CPA3: variants seen among roughly 807,000 people sequenced by gnomAD.
The protein encoded by CPA3 is mast cell carboxypeptidase A.
CPA3 carries 52 observed loss-of-function variants against 55.8 expected under a neutral mutation model. That is an observed-to-expected ratio of 0.93 (90% CI 0.75 to 1.17). The LOEUF (loss-of-function observed/expected upper bound fraction) is 1.17. CPA3 is among the 50% of genes most tolerant of loss of function. CPA3 has a pLI of 0.00. For missense variants in CPA3, 547 were observed against 509.1 expected, an observed-to-expected ratio of 1.07 and a Z score of -0.72; for synonymous variants, 179 against 171.2, an observed-to-expected ratio of 1.05 and a Z score of -0.36.
intron 10 of CPA3, among the ~76,000 whole-genome samples, chr3:148,892,640 G>A (rs940873816): frequency 6.6e-6 from 1 of 151,874 alleles, no homozygotes; most frequent in Non-Finnish European, 1.5e-5. Flanking sequence ...GCAACAAAGT[G>A]AGACTCTATC....
chr3:148,878,782 AC>A (rs1407872209), intron 5 of CPA3, 34 bp downstream of exon 5: 2 of 1,256,334 alleles, frequency 1.6e-6, no homozygotes, highest in Non-Finnish European at 2.3e-6. Flanking sequence ...AATTCTTATT[AC>A]TGTTGAAAAA....
In CPA3 at chr3:148,865,394, G is replaced by A; in HGVS notation, c.68+19G>A. The A allele has an allele frequency of 6.2e-7, 1 of 1,613,742 alleles. No individual in the cohort carries two copies. The highest frequency in any genetic ancestry group is 8.5e-7 in the Non-Finnish European group (1 of 1,179,814). On this transcript the variant is annotated intron_variant, in intron 1 of 10. Transcript: ENST00000296046. ...TTGACAGGTAAATCTTACTTCCTGT[G>A]TTCCAGTCTCTGTGTAGAAGAGAAT...
chr3:148,883,527 T>C lies in CPA3; in HGVS notation c.779-86T>C. 1.9e-5 allele frequency: 21 copies of C among 1,102,628 alleles called. No homozygotes were observed. In the South Asian group the frequency reaches 2.9e-4, roughly 15 times the overall value. The allele number at this position is 1,102,628 out of a possible 1,614,324, so 68.3% of individuals were successfully genotyped here. ...TGAGAGGCAAAAACATTTAAAACAT[T>C]CTGTGAATCTATAATACATTAGAAG... is the stretch of plus-strand genomic sequence containing the variant. On this transcript the variant is annotated intron_variant, in intron 8 of 10. Coordinates refer to ENST00000296046, the MANE Select transcript of CPA3 (RefSeq NM_001870.4).
At chr3:148,889,713 T>C (rs536523965) in intron 10 of CPA3, among the ~76,000 whole-genome samples, 1 of 151,712 alleles carries the variant, frequency 6.6e-6, no homozygotes, top group Admixed American at 6.6e-5. Context: ...CTACTAAAAA[T>C]ACAAAAATTA....
intron 3 of CPA3, among the ~76,000 whole-genome samples, chr3:148,872,367 T>G (rs942059757): frequency 6.6e-6 from 1 of 152,200 alleles, no homozygotes; most frequent in African/African-American, 2.4e-5. Context: ...ATTTTTAACA[T>G]TGTCTTTTCT....
chr3:148,888,037 A>G (rs1286722763), intron 10 of CPA3, among the ~76,000 whole-genome samples: 1 of 152,168 alleles, frequency 6.6e-6, no homozygotes, highest in African/African-American at 2.4e-5. Context: ...CAACCCTTCC[A>G]CCACCAAAGA....
chr3:148,874,844 A>G (rs1394202298), intron 3 of CPA3, among the ~76,000 whole-genome samples: 1 of 152,216 alleles, frequency 6.6e-6, no homozygotes, highest in Admixed American at 6.5e-5. Context: ...ACATCTACAT[A>G]CCATCAAAGC....
At chr3:148,891,849 C>T (rs1184101988) in intron 10 of CPA3, among the ~76,000 whole-genome samples, 2 of 152,168 alleles carry the variant, frequency 1.3e-5, no homozygotes, top group African/African-American at 4.8e-5. Context: ...AAATGTCTAA[C>T]ATATCCTAAA....
chr3:148,886,090 C>G lies in CPA3; in HGVS notation c.982-3C>G, dbSNP rs766797679. ...TTTCACTCTAACTTTCCTTTCTCTCCAGGCCAAAGTTGCAAAGATTGGCAC... is the reference window on the plus strand; with the variant it reads ...TTTCACTCTAACTTTCCTTTCTCTCGAGGCCAAAGTTGCAAAGATTGGCAC... On this transcript the variant is annotated splice_region_variant and splice_polypyrimidine_tract_variant and intron_variant, in intron 9 of 10. Transcript: ENST00000296046. 1.2e-6 allele frequency: 2 copies of G among 1,609,916 alleles called. No homozygotes were observed. The highest frequency in any genetic ancestry group is 1.7e-6 in the Non-Finnish European group (2 of 1,176,600).
At chr3:148,869,134 G>A (rs1713990688) in intron 3 of CPA3, 95 bp downstream of exon 3, 3 of 1,394,206 alleles carry the variant, frequency 2.2e-6, no homozygotes, top group East Asian at 2.4e-5. Context: ...ATTTTTAATT[G>A]GGCCCCCCAG....
chr3:148,891,855 C>G (rs1289070044), intron 10 of CPA3, among the ~76,000 whole-genome samples: 1 of 152,148 alleles, frequency 6.6e-6, no homozygotes, highest in Non-Finnish European at 1.5e-5. Context: ...CTAACATATC[C>G]TAAATTACAA....
chr3:148,871,452 G>T (rs947272240), intron 3 of CPA3, among the ~76,000 whole-genome samples: 2 of 152,162 alleles, frequency 1.3e-5, no homozygotes, highest in Admixed American at 6.5e-5. Flanking sequence ...TAGTTGCTTG[G>T]CATGAGCATG....
Position 148,865,460 on chromosome 3 carries a change from TGC to T in CPA3, c.69-12_69-11del. On this transcript the variant is annotated splice_polypyrimidine_tract_variant and intron_variant, in intron 1 of 10. Transcript: ENST00000296046. Reference sequence around the variant, plus strand: ...TACAGTTCACTTTTTTTTTTTCATTTGCCTCCACAAAGGGAGAAGGTGTTCCG... The same window carrying T: ...TACAGTTCACTTTTTTTTTTTCATTTCTCCACAAAGGGAGAAGGTGTTCCG... 6.2e-7 allele frequency: 1 copy of T among 1,613,854 alleles called. No homozygotes were observed.
intron 3 of CPA3, among the ~76,000 whole-genome samples, chr3:148,871,379 T>G (rs1714063051): frequency 2.6e-5 from 4 of 152,180 alleles, no homozygotes; most frequent in Admixed American, 1.3e-4. Context: ...AAGAATTAGG[T>G]ATTATGTTTT....
chr3:148,896,944 G>GC lies in CPA3; in HGVS notation c.*238dup. Reference sequence around the variant, plus strand: ...TTGCTCCAAGTGAAGTTTGGACCCAGCAGAAAGCATTATTTTGAAAGGTGA... The same window carrying GC: ...TTGCTCCAAGTGAAGTTTGGACCCAGCCAGAAAGCATTATTTTGAAAGGTGA... On this transcript the variant is annotated 3_prime_UTR_variant, in exon 11 of 11. Coordinates refer to ENST00000296046, the MANE Select transcript of CPA3 (RefSeq NM_001870.4). The GC allele has an allele frequency of 3.0e-6, 1 of 338,172 alleles. No homozygotes were observed. Among genetic ancestry groups the GC allele is most frequent in the East Asian group, 4.4e-5 (1 of 22,912 alleles). The allele number at this position is 338,172 out of a possible 1,614,324, so 20.9% of individuals were successfully genotyped here.
At chr3:148,888,847 C>T (rs1409851511) in intron 10 of CPA3, among the ~76,000 whole-genome samples, 1 of 152,114 alleles carries the variant, frequency 6.6e-6, no homozygotes, top group East Asian at 1.9e-4. Context: ...ATATGGTGTA[C>T]CTAGCTAGCA....
chr3:148,880,833 C>T (rs1714343344), intron 6 of CPA3, among the ~76,000 whole-genome samples: 1 of 152,046 alleles, frequency 6.6e-6, no homozygotes. Flanking sequence ...AGGAAGTGAC[C>T]TGTAGTTACT....
At chr3:148,886,016 C>A in intron 9 of CPA3, 77 bp from the exon 10 acceptor site, 1 of 995,396 alleles carries the variant, frequency 1.0e-6, no homozygotes, top group Non-Finnish European at 1.6e-6. Flanking sequence ...TAAAAAATTG[C>A]ATACATACAT....
At chr3:148,886,547 T>G (rs1475120016) in intron 10 of CPA3, among the ~76,000 whole-genome samples, 1 of 151,700 alleles carries the variant, frequency 6.6e-6, no homozygotes, top group East Asian at 1.9e-4. Flanking sequence ...AAAAAAAAAT[T>G]AGCCAGGCAT....
Sources: gnomAD v4.1 joint callset for allele counts (sites outside exome capture counted in the v4.1 genomes callset) on GRCh38, gnomAD v4.1.1 for gene constraint, MANE v1.5 for transcripts, NCBI Gene and HGNC (gene_info 2026-07-23, HGNC 2026-07-21) for gene names.